GABRG3: variants seen among roughly 807,000 people sequenced by gnomAD.
GABRG3 encodes gamma-aminobutyric acid type A receptor subunit gamma3, also known as gamma-aminobutyric acid receptor subunit gamma-3.
In GABRG3, 25 loss-of-function variants were observed where a neutral mutation model predicts 48.8. That is an observed-to-expected ratio of 0.51 (90% CI 0.37 to 0.72). The LOEUF (loss-of-function observed/expected upper bound fraction) is 0.72, where lower values mean the gene tolerates loss of function less well. Ranked by LOEUF, GABRG3 falls within the 30% of genes least tolerant of loss-of-function variation. GABRG3 has a pLI of 0.00. For synonymous variants in GABRG3, 227 were observed against 217.6 expected (o/e 1.04, Z -0.38); for missense variants, 394 against 577.9 (o/e 0.68, Z 3.26).
In GABRG3 at chr15:27,538,485, T is replaced by C. The variant is rs1002601291; in HGVS notation, c.*5604T>C. The C allele has an allele frequency of 2.0e-5, 3 of 152,202 alleles. No homozygotes were observed. The highest frequency in any genetic ancestry group is 4.4e-5 in the Non-Finnish European group (3 of 68,036). The allele number at this position is 152,202 out of a possible 1,614,324, so 9.4% of individuals were successfully genotyped here. On this transcript the variant is annotated 3_prime_UTR_variant, in exon 10 of 10. Coordinates refer to ENST00000615808, the MANE Select transcript of GABRG3 (RefSeq NM_033223.5). ...TGAGGTGAACGTAAATTGCTTTGCT[T>C]GAACAATTGAGATAATCACCTACTT... is the stretch of plus-strand genomic sequence containing the variant.
chr15:27,458,400 T>C (rs1158466683), intron 5 of GABRG3, among the ~76,000 whole-genome samples: 1 of 152,204 alleles, frequency 6.6e-6, no homozygotes, highest in East Asian at 1.9e-4. Context: ...TAGCCAATTC[T>C]CACCCTGATT....
At chr15:27,102,441 A>G (rs999890955) in intron 3 of GABRG3, among the ~76,000 whole-genome samples, 2 of 152,202 alleles carry the variant, frequency 1.3e-5, no homozygotes, top group African/African-American at 2.4e-5. Flanking sequence ...TGGGCTCCAT[A>G]ATAACAATAA....
chr15:27,326,940 C>T lies in GABRG3; in HGVS notation c.402C>T (p.Arg134=). The T allele has an allele frequency of 6.2e-7, 1 of 1,613,990 alleles. No homozygotes were observed. Among genetic ancestry groups the T allele is most frequent in the Non-Finnish European group, 8.5e-7 (1 of 1,179,892 alleles). The part of the protein sequence containing the change: ...GLIWIPDTIF[R]NSKTAEAHWI... ...TCTGGATCCCAGACACCATCTTCCG[C>T]AATTCTAAAACCGCAGAGGCTCACT... Residue 134 remains arginine (R), a synonymous_variant, in exon 4 of 10, where the codon CGC becomes CGT. Transcript: ENST00000615808.
chr15:27,046,489 G>A (rs573992464), intron 3 of GABRG3, among the ~76,000 whole-genome samples: 223 of 152,298 alleles, frequency 1.5e-3, no homozygotes, highest in African/African-American at 4.5e-3. Flanking sequence ...AGACAGCCAC[G>A]GGTCTTCCCT....
Position 27,537,383 on chromosome 15 carries a change from C to T in GABRG3, c.*4502C>T, listed in dbSNP as rs989707901. 2 of 152,150 alleles carry T rather than the reference C, an allele frequency of 1.3e-5. No individual in the cohort carries two copies. The highest frequency in any genetic ancestry group is 2.9e-5 in the Non-Finnish European group (2 of 68,036). The allele number at this position is 152,150 out of a possible 1,614,324, so 9.4% of individuals were successfully genotyped here. The stretch of plus-strand genomic sequence containing the variant: ...AAATTGAGAAAGTGTGTAATCTGTA[C>T]CTATTTTTTTTCTCAAATTGGCCTG... On this transcript the variant is annotated 3_prime_UTR_variant, in exon 10 of 10. Coordinates refer to ENST00000615808, the MANE Select transcript of GABRG3 (RefSeq NM_033223.5).
intron 3 of GABRG3, among the ~76,000 whole-genome samples, chr15:27,255,994 T>TGG (rs1235803773): frequency 6.6e-6 from 1 of 152,198 alleles, no homozygotes; most frequent in East Asian, 1.9e-4. Context: ...TGTGTCTATG[T>TGG]TATTTTACAT....
intron 5 of GABRG3, among the ~76,000 whole-genome samples, chr15:27,425,590 G>A (rs1321253418): frequency 6.6e-6 from 1 of 152,034 alleles, no homozygotes; most frequent in Non-Finnish European, 1.5e-5. Flanking sequence ...CAGCCTGGGT[G>A]ACAGAGCGAG....
chr15:27,246,659 C>T (rs952321750), intron 3 of GABRG3, among the ~76,000 whole-genome samples: 1 of 152,110 alleles, frequency 6.6e-6, no homozygotes, highest in African/African-American at 2.4e-5. Context: ...ACTCTGGCTC[C>T]TAACACTAGG....
At chr15:27,049,772 C>T (rs924408715) in intron 3 of GABRG3, among the ~76,000 whole-genome samples, 1 of 152,182 alleles carries the variant, frequency 6.6e-6, no homozygotes, top group Non-Finnish European at 1.5e-5. Flanking sequence ...ATGAGTGATG[C>T]GTGCACGCTG....
intron 5 of GABRG3, among the ~76,000 whole-genome samples, chr15:27,333,581 A>C (rs1405325502): frequency 6.6e-6 from 1 of 152,112 alleles, no homozygotes; most frequent in African/African-American, 2.4e-5. Flanking sequence ...CCCATCTAAG[A>C]TCCTTCACTT....
chr15:27,235,917 GTCC>G (rs766142596), intron 3 of GABRG3, among the ~76,000 whole-genome samples: 151 of 152,236 alleles, frequency 9.9e-4, no homozygotes, highest in Non-Finnish European at 1.7e-3. Context: ...ATGATGAAAA[GTCC>G]TCCTCCTCTT....
intron 3 of GABRG3, among the ~76,000 whole-genome samples, chr15:27,311,796 A>G (rs1268477723): frequency 6.6e-6 from 1 of 152,066 alleles, no homozygotes; most frequent in African/African-American, 2.4e-5. Flanking sequence ...AACAGGTTGG[A>G]CTAACACAAA....
At chr15:27,367,095 C>T (rs777343717) in intron 5 of GABRG3, among the ~76,000 whole-genome samples, 1 of 152,270 alleles carries the variant, frequency 6.6e-6, no homozygotes, top group East Asian at 1.9e-4. Flanking sequence ...CTGCTTTCCG[C>T]AGGTCTCCCT....
chr15:27,210,473 CACCTGCGT>C (rs1889040018), intron 3 of GABRG3, among the ~76,000 whole-genome samples: 1 of 152,238 alleles, frequency 6.6e-6, no homozygotes, highest in Non-Finnish European at 1.5e-5. Flanking sequence ...CACACACGCG[CACCTGCGT>C]GCACACACAT....
chr15:27,379,006 G>A (rs769269403), intron 5 of GABRG3, among the ~76,000 whole-genome samples: 18 of 152,136 alleles, frequency 1.2e-4, no homozygotes, highest in Non-Finnish European at 2.1e-4. Flanking sequence ...GAATGTGTAT[G>A]TATGTGGATA....
In GABRG3 at chr15:27,244,006, C is replaced by G. The variant is rs144575867; in HGVS notation, c.271-82803C>G. ...GTATAGGGTGTGCAAATACTGGTTCCTGGTCACTGTGGAAAGATTTAGAGG... is the reference window on the plus strand; with the variant it reads ...GTATAGGGTGTGCAAATACTGGTTCGTGGTCACTGTGGAAAGATTTAGAGG... On this transcript the variant is annotated intron_variant, in intron 3 of 9. Coordinates refer to ENST00000615808, the MANE Select transcript of GABRG3 (RefSeq NM_033223.5). Among the ~76,000 whole-genome samples, 84 of 152,208 alleles carry G rather than the reference C, an allele frequency of 5.5e-4. No individual in the cohort carries two copies. In the South Asian group the frequency reaches 6.2e-3, roughly 11 times the overall value.
intron 7 of GABRG3, among the ~76,000 whole-genome samples, chr15:27,526,248 C>T (rs1435212638): frequency 6.6e-6 from 1 of 152,202 alleles, no homozygotes; most frequent in East Asian, 1.9e-4. Context: ...GACCCATTCT[C>T]CACCTGGCCC....
At position 27,389,931 on chromosome 15, in the gene GABRG3, A is replaced by T. The variant is rs144702839; in HGVS notation, c.574+61043A>T. The stretch of plus-strand genomic sequence containing the variant: ...AAAACTGTCATAAAGTTAAGGAAAT[A>T]GGCAAATAATTATTTGAGGACAAAG... On this transcript the variant is annotated intron_variant, in intron 5 of 9. Coordinates refer to ENST00000615808, the MANE Select transcript of GABRG3 (RefSeq NM_033223.5). Among the ~76,000 whole-genome samples, 242 of 152,324 alleles carry T rather than the reference A, an allele frequency of 1.6e-3. 1 individual carries two copies. Among genetic ancestry groups the T allele is most frequent in the Middle Eastern group, 3.4e-3 (1 of 294 alleles).
rs1889975286 is a variant in GABRG3, at chr15:27,236,622, A to C, written c.271-90187A>C. Among the ~76,000 whole-genome samples, 1 of 152,154 alleles carries C rather than the reference A, an allele frequency of 6.6e-6. No individual in the cohort carries two copies. The highest frequency in any genetic ancestry group is 6.5e-5 in the Admixed American group (1 of 15,276). On this transcript the variant is annotated intron_variant, in intron 3 of 9. Transcript: ENST00000615808. The surrounding 1 kb of genome is among the most constrained non-coding windows in gnomAD (Gnocchi z 4.4). Reference sequence around the variant, plus strand: ...TACAGCCTCAGCGTGACAGCCCACCAGTTTCACAATACACCTGTTCCTGAT... The same window carrying C: ...TACAGCCTCAGCGTGACAGCCCACCCGTTTCACAATACACCTGTTCCTGAT...
Sources: gnomAD v4.1 joint callset for allele counts (sites outside exome capture counted in the v4.1 genomes callset) on GRCh38, gnomAD v4.1.1 for gene constraint, Gnocchi (gnomAD v3.1) non-coding constraint, MANE v1.5 for transcripts, NCBI Gene and HGNC (gene_info 2026-07-23, HGNC 2026-07-21) for gene names.